The following ZNF233 variants were observed in gnomAD, a reference collection of about 807,000 sequenced individuals.
The protein encoded by ZNF233 is zinc finger protein 233.
ZNF233 carries 7 observed loss-of-function variants against 11.6 expected under a neutral mutation model. That is an observed-to-expected ratio of 0.60 (90% CI 0.34 to 1.13). ZNF233 has a LOEUF of 1.13. Ranked by LOEUF, ZNF233 falls within the 50% of genes most tolerant of loss-of-function variation. The pLI is 0.03. For synonymous variants in ZNF233, 226 were observed against 268.5 expected (o/e 0.84, Z 1.55); for missense variants, 711 against 785.5 (o/e 0.91, Z 1.13).
chr19:44,265,388 C>T lies in ZNF233; in HGVS notation c.16-810C>T, dbSNP rs1172376550. Among the ~76,000 whole-genome samples the T allele has an allele frequency of 1.4e-3, 204 of 150,924 alleles. 1 individual carries two copies. Among genetic ancestry groups the T allele is most frequent in the African/African-American group, 4.5e-3 (184 of 40,764 alleles). ...ATATACACACACACACACACACACA[C>T]ACACACACACACACACACACACCAC... is the stretch of plus-strand genomic sequence containing the variant. On this transcript the variant is annotated intron_variant, in intron 2 of 4. Coordinates refer to ENST00000683810, the MANE Select transcript of ZNF233 (RefSeq NM_001207005.2).
Position 44,273,415 on chromosome 19 carries a change from T to C in ZNF233, c.755T>C (p.Ile252Thr), listed in dbSNP as rs1228717475. 1 of 1,614,190 alleles carries C rather than the reference T, an allele frequency of 6.2e-7. No individual in the cohort carries two copies. The highest frequency in any genetic ancestry group is 2.2e-5 in the East Asian group (1 of 44,890). The change falls in exon 5 of 5, where the codon ATA (isoleucine) becomes ACA (threonine). Residue 252 changes from isoleucine to threonine, a missense_variant. Transcript: ENST00000683810. ...DCVKESSQHS[I>T]IQSGEQTSDE... ...GTGAAGGAATCATCCCAGCATAGCATAATCCAATCAGGAGAGCAAACCTCT... is the reference window on the plus strand; with the variant it reads ...GTGAAGGAATCATCCCAGCATAGCACAATCCAATCAGGAGAGCAAACCTCT...
In ZNF233 at chr19:44,274,788, T is replaced by G. The variant is rs1975349726; in HGVS notation, c.*115T>G. ...CAGAATATTTATAAAATGTCATGTT[T>G]TAAGAATTCATGAGCTGAGTTTTTA... On this transcript the variant is annotated 3_prime_UTR_variant, in exon 5 of 5. Transcript: ENST00000683810. 1.1e-6 allele frequency: 1 copy of G among 890,650 alleles called. No individual in the cohort carries two copies. The highest frequency in any genetic ancestry group is 1.6e-6 in the Non-Finnish European group (1 of 621,632). The allele number at this position is 890,650 out of a possible 1,614,324, so 55.2% of individuals were successfully genotyped here. A position where few individuals can be genotyped will look rare whatever the true frequency, so the allele number is the denominator to read the frequency against.
intron 4 of ZNF233, among the ~76,000 whole-genome samples, chr19:44,270,152 C>T (rs115048265): frequency 1.6e-4 from 25 of 152,122 alleles, no homozygotes; most frequent in African/African-American, 6.0e-4. Context: ...TATGTTCAGC[C>T]TACTTATAAT....
intron 2 of ZNF233, among the ~76,000 whole-genome samples, chr19:44,264,881 A>G (rs1260321021): frequency 6.6e-6 from 1 of 152,200 alleles, no homozygotes; most frequent in Non-Finnish European, 1.5e-5. Context: ...CAAACACACA[A>G]TGCTGTCTCT....
chr19:44,261,355 G>T (rs189159461), intron 1 of ZNF233, among the ~76,000 whole-genome samples: 91 of 152,174 alleles, frequency 6.0e-4, no homozygotes, highest in African/African-American at 2.0e-3. Context: ...TTGAGCCCAG[G>T]AGGCAGAGGT....
intron 3 of ZNF233, 94 bp from the exon 4 acceptor site, chr19:44,266,772 A>G: frequency 1.2e-6 from 1 of 847,660 alleles, no homozygotes; most frequent in Non-Finnish European, 1.9e-6. Context: ...ATTTTGAAAA[A>G]TACTACTTAG....
chr19:44,265,364 TATAC>T (rs57300876), intron 2 of ZNF233, among the ~76,000 whole-genome samples: 1,661 of 57,788 alleles, frequency 0.029, 19 homozygotes, highest in African/African-American at 0.078. Flanking sequence ...ATCATATATA[TATAC>T]ACACACACAC....
At chr19:44,266,784 G>A (rs914044657) in intron 3 of ZNF233, 82 bp from the exon 4 acceptor site, 2 of 975,810 alleles carry the variant, frequency 2.0e-6, no homozygotes, top group Non-Finnish European at 3.2e-6. Flanking sequence ...ACTACTTAGA[G>A]CGCATGAAAA....
At chr19:44,267,063 C>A in intron 4 of ZNF233, 102 bp downstream of exon 4, 1 of 798,944 alleles carries the variant, frequency 1.3e-6, no homozygotes, top group Non-Finnish European at 2.0e-6. Context: ...CAGAATTCAT[C>A]GCCCTGGTTT....
intron 4 of ZNF233, 105 bp downstream of exon 4, chr19:44,267,066 C>T (rs770354321): frequency 1.3e-6 from 1 of 754,528 alleles, no homozygotes; most frequent in Non-Finnish European, 2.2e-6. Context: ...AATTCATCGC[C>T]CTGGTTTACT....
Position 44,274,693 on chromosome 19 carries a change from CATG to C in ZNF233, c.*25_*27del, listed in dbSNP as rs758509166. 8.3e-6 allele frequency: 13 copies of C among 1,559,350 alleles called. No homozygotes were observed. The African/African-American group carries it at 1.8e-4, about 21-fold the overall frequency. ...CCATGATGGTGATGAATCTATTAATCATGATGAGTGTGATAGGGGTGCTCTTCA... is the reference window on the plus strand; with the variant it reads ...CCATGATGGTGATGAATCTATTAATCATGAGTGTGATAGGGGTGCTCTTCA... On this transcript the variant is annotated 3_prime_UTR_variant, in exon 5 of 5. Coordinates refer to ENST00000683810, the MANE Select transcript of ZNF233 (RefSeq NM_001207005.2).
intron 1 of ZNF233, among the ~76,000 whole-genome samples, chr19:44,263,635 G>A (rs921333584): frequency 6.6e-6 from 1 of 152,158 alleles, no homozygotes; most frequent in Non-Finnish European, 1.5e-5. Context: ...AAAACTGAAT[G>A]CTGATATCAA....
rs140480955 is a variant in ZNF233 at position 44,271,886 on chromosome 19, C to T, written c.239-1013C>T. 2.9e-4 allele frequency among the ~76,000 whole-genome samples: 44 copies of T among 152,118 alleles called. 1 individual carries two copies. Among genetic ancestry groups the T allele is most frequent in the African/African-American group, 1.0e-3 (42 of 41,494 alleles). On this transcript the variant is annotated intron_variant, in intron 4 of 4. Transcript: ENST00000683810. ...TCTCCTCTACAACGTCTTTCTAGGG[C>T]ATCTTTTTGTTGCTCTGTAGCCTGT...
rs1354902908 is a variant in ZNF233 at position 44,265,390 on chromosome 19, C to T, written c.16-808C>T. Among the ~76,000 whole-genome samples the T allele has an allele frequency of 1.3e-3, 191 of 151,118 alleles. 1 individual carries two copies. Among genetic ancestry groups the T allele is most frequent in the African/African-American group, 4.5e-3 (185 of 40,930 alleles). On this transcript the variant is annotated intron_variant, in intron 2 of 4. Transcript: ENST00000683810. ...ATACACACACACACACACACACACA[C>T]ACACACACACACACACACACCACGG... is the stretch of plus-strand genomic sequence containing the variant.
In ZNF233 at chr19:44,273,395, G is replaced by A. The variant is rs1388853829; in HGVS notation, c.735G>A (p.Lys245=). The A allele has an allele frequency of 1.2e-6, 2 of 1,614,086 alleles. No individual in the cohort carries two copies. Among genetic ancestry groups the A allele is most frequent in the Admixed American group, 3.3e-5 (2 of 60,012 alleles). ...SHNNCGKDCV[K]ESSQHSIIQS... ...ATAATTGTGGAAAAGACTGTGTGAAGGAATCATCCCAGCATAGCATAATCC... is the reference window on the plus strand; with the variant it reads ...ATAATTGTGGAAAAGACTGTGTGAAAGAATCATCCCAGCATAGCATAATCC... The change falls in exon 5 of 5, where the codon AAG becomes AAA. Residue 245 remains lysine, a synonymous_variant. Coordinates refer to ENST00000683810, the MANE Select transcript of ZNF233 (RefSeq NM_001207005.2).
chr19:44,274,440 T>A lies in ZNF233; in HGVS notation c.1780T>A (p.Cys594Ser). The A allele has an allele frequency of 6.2e-7, 1 of 1,614,140 alleles. No homozygotes were observed. The highest frequency in any genetic ancestry group is 1.3e-5 in the African/African-American group (1 of 75,018). Reference protein sequence around the residue: ...RVHTGEKPYKCEECRKGFIWN... With the variant: ...RVHTGEKPYKSEECRKGFIWN... ...CCACACAGGAGAGAAACCATACAAA[T>A]GTGAAGAATGTAGGAAAGGCTTCAT... The change falls in exon 5 of 5, where the codon TGT (cysteine) becomes AGT (serine). Residue 594 changes from cysteine (C) to serine (S), a missense_variant. Coordinates refer to ENST00000683810, the MANE Select transcript of ZNF233 (RefSeq NM_001207005.2).
At chr19:44,271,818 G>T (rs2123064085) in intron 4 of ZNF233, among the ~76,000 whole-genome samples, 1 of 152,118 alleles carries the variant, frequency 6.6e-6, no homozygotes, top group East Asian at 1.9e-4. Context: ...CCAAAGAGGA[G>T]GGATTTTTAA....
chr19:44,264,639 A>G (rs1002998905), intron 2 of ZNF233, among the ~76,000 whole-genome samples: 1 of 152,206 alleles, frequency 6.6e-6, no homozygotes, highest in African/African-American at 2.4e-5. Flanking sequence ...CCACATTACT[A>G]CATTGCATAC....
At chr19:44,271,871 A>G (rs1056522195) in intron 4 of ZNF233, among the ~76,000 whole-genome samples, 1 of 152,014 alleles carries the variant, frequency 6.6e-6, no homozygotes, top group African/African-American at 2.4e-5. Flanking sequence ...TCTCCTCTAC[A>G]ACGTCTTTCT....
Sources: allele counts gnomAD v4.1 joint callset (sites outside exome capture counted in the v4.1 genomes callset), GRCh38; gene constraint gnomAD v4.1.1; transcripts MANE v1.5; gene names NCBI Gene and HGNC (gene_info 2026-07-23, HGNC 2026-07-21).